Variants in GRIA3 observed in about 807,000 individuals in gnomAD.
GRIA3 encodes glutamate receptor 3.
A neutral mutation model predicts 63.0 loss-of-function variants in GRIA3; 3 were observed. The ratio of observed to expected loss-of-function variants is 0.05; its 90% CI spans 0.02 to 0.12. GRIA3 has a LOEUF of 0.12. Ranked by LOEUF, GRIA3 falls within the 10% of genes least tolerant of loss-of-function variation. The probability of loss-of-function intolerance (pLI) is 1.00; values close to 1 mark genes in which losing one functional copy is unlikely to be tolerated. For missense variants in GRIA3, 347 were observed against 700.9 expected, an observed-to-expected ratio of 0.50 and a Z score of 5.70; for synonymous variants, 274 against 257.9, an observed-to-expected ratio of 1.06 and a Z score of -0.60.
chrX:123,398,912 G>A, intron 7 of GRIA3, 109 bp downstream of exon 7: 2 of 604,072 alleles, frequency 3.3e-6, no homozygotes, highest in Non-Finnish European at 5.5e-6. Context: ...ACCAGATTAT[G>A]TAGAATCTCA....
intron 3 of GRIA3, among the ~76,000 whole-genome samples, chrX:123,308,220 TA>T (rs1011592310): frequency 8.9e-6 from 1 of 111,992 alleles, no homozygotes; most frequent in Non-Finnish European, 1.9e-5. Context: ...CAAGAATGAC[TA>T]GGCCAGTGCT....
intron 2 of GRIA3, chrX:123,202,597 G>A (rs1466651750): frequency 1.8e-5 from 21 of 1,153,415 alleles, no homozygotes; most frequent in Non-Finnish European, 2.4e-5. Flanking sequence ...GGAGACCTAT[G>A]GCCAGAAGCA....
At chrX:123,193,146 T>C (rs754090143) in intron 2 of GRIA3, among the ~76,000 whole-genome samples, 2 of 108,055 alleles carry the variant, frequency 1.9e-5, no homozygotes, top group East Asian at 5.8e-4. Context: ...GGTCTGTAGG[T>C]GGCATTACTA....
chrX:123,402,315 T>C (rs1435181690), intron 7 of GRIA3, among the ~76,000 whole-genome samples: 1 of 110,483 alleles, frequency 9.1e-6, no homozygotes, highest in Admixed American at 9.8e-5. Context: ...TGGTTAATAA[T>C]AATTAATATA....
chrX:123,265,780 G>A (rs1220365417), intron 3 of GRIA3, among the ~76,000 whole-genome samples: 2 of 112,295 alleles, frequency 1.8e-5, no homozygotes, highest in African/African-American at 6.5e-5. Context: ...TTGGCCAGAG[G>A]CCTTAAGTGC....
At chrX:123,393,130 T>C (rs2045395454) in intron 5 of GRIA3, among the ~76,000 whole-genome samples, 1 of 112,796 alleles carries the variant, frequency 8.9e-6, no homozygotes, top group Non-Finnish European at 1.9e-5. Flanking sequence ...TTCCCAGTGA[T>C]GTAAACTATT....
chrX:123,389,553 T>C (rs2045372633), intron 5 of GRIA3, among the ~76,000 whole-genome samples: 1 of 111,727 alleles, frequency 9.0e-6, no homozygotes, highest in Non-Finnish European at 1.9e-5. Context: ...AATTTTTGTT[T>C]GCACAGAATG....
intron 2 of GRIA3, among the ~76,000 whole-genome samples, chrX:123,228,802 G>A (rs2044261733): frequency 9.0e-6 from 1 of 111,665 alleles, no homozygotes; most frequent in Non-Finnish European, 1.9e-5. Flanking sequence ...GGTTGGAGAA[G>A]GTGGGGGATC....
chrX:123,363,475 A>G (rs1401129989), intron 5 of GRIA3, among the ~76,000 whole-genome samples: 2 of 112,666 alleles, frequency 1.8e-5, no homozygotes, highest in Non-Finnish European at 3.7e-5. Context: ...GTGAAAATCA[A>G]CAAAGATGGG....
At chrX:123,391,372 T>C (rs1246668401) in intron 5 of GRIA3, among the ~76,000 whole-genome samples, 4 of 111,807 alleles carry the variant, frequency 3.6e-5, no homozygotes, top group Non-Finnish European at 7.5e-5. Context: ...ATTCTCGGTA[T>C]GTGCAATAAT....
chrX:123,287,420 T>C (rs908290128), intron 3 of GRIA3, among the ~76,000 whole-genome samples: 1 of 111,460 alleles, frequency 9.0e-6, no homozygotes. Flanking sequence ...GCCAGGGCAA[T>C]CAGGCAAGAG....
intron 2 of GRIA3, among the ~76,000 whole-genome samples, chrX:123,221,396 G>A (rs1928284591): frequency 8.9e-6 from 1 of 112,384 alleles, no homozygotes; most frequent in Non-Finnish European, 1.9e-5. Flanking sequence ...TTGGGCTTAA[G>A]GTAGCAGCAC....
chrX:123,410,606 C>T (rs1423624847), intron 10 of GRIA3, among the ~76,000 whole-genome samples: 1 of 111,586 alleles, frequency 9.0e-6, no homozygotes, highest in Admixed American at 9.5e-5. Context: ...GGCAGAGAGT[C>T]GATTTGTCCT....
chrX:123,242,110 T>C (rs1293561460), intron 2 of GRIA3, among the ~76,000 whole-genome samples: 5 of 111,544 alleles, frequency 4.5e-5, no homozygotes, highest in Middle Eastern at 4.2e-3. Context: ...CCAAACAAAG[T>C]GGGAAATAAA....
Position 123,304,983 on chromosome X carries a change from T to C in GRIA3, c.509-21043T>C, listed in dbSNP as rs368938099. Among the ~76,000 whole-genome samples the C allele has an allele frequency of 1.3e-4, 15 of 112,007 alleles. 1 individual carries two copies. In the South Asian group the frequency reaches 5.2e-3, roughly 39 times the overall value. On this transcript the variant is annotated intron_variant, in intron 3 of 15. Coordinates refer to ENST00000620443, the MANE Select transcript of GRIA3 (RefSeq NM_007325.5). Reference sequence around the variant, plus strand: ...AATGTTCAAAATCCATTTCTAGGTCTTCTTTCCACCCCATGGTTATAAATC... The same window carrying C: ...AATGTTCAAAATCCATTTCTAGGTCCTCTTTCCACCCCATGGTTATAAATC...
intron 4 of GRIA3, among the ~76,000 whole-genome samples, chrX:123,329,302 T>C (rs2044925686): frequency 8.9e-6 from 1 of 112,174 alleles, no homozygotes; most frequent in East Asian, 2.8e-4. Context: ...CCAATGAGTG[T>C]TAATAAAAAT....
chrX:123,465,754 A>G (rs952541416), intron 13 of GRIA3: 12 of 1,208,823 alleles, frequency 9.9e-6, no homozygotes, highest in Non-Finnish European at 1.3e-5. Context: ...TGGTACGACA[A>G]AGGAGAGTGC....
intron 3 of GRIA3, among the ~76,000 whole-genome samples, chrX:123,290,207 T>C (rs1442865867): frequency 9.0e-6 from 1 of 111,592 alleles, no homozygotes; most frequent in Non-Finnish European, 1.9e-5. Flanking sequence ...GGCATGCACC[T>C]CTTCTTTCTA....
chrX:123,402,211 T>G (rs1451343821), intron 7 of GRIA3, among the ~76,000 whole-genome samples: 1 of 111,023 alleles, frequency 9.0e-6, no homozygotes, highest in Non-Finnish European at 1.9e-5. Context: ...TGTCTGTAGC[T>G]GAGTGTGGGT....
Sources: allele counts gnomAD v4.1 joint callset (sites outside exome capture counted in the v4.1 genomes callset), GRCh38; gene constraint gnomAD v4.1.1; transcripts MANE v1.5; gene names NCBI Gene and HGNC (gene_info 2026-07-23, HGNC 2026-07-21).